The following LNP1 variants were observed in gnomAD, a reference collection of about 807,000 sequenced individuals.
The protein encoded by LNP1 is leukemia NUP98 fusion partner 1.
LNP1 carries 12 observed loss-of-function variants against 14.5 expected under a neutral mutation model. The observed-to-expected ratio is 0.83, with a 90% CI of 0.53 to 1.34. The LOEUF (loss-of-function observed/expected upper bound fraction) is 1.34. LNP1 is among the 40% of genes most tolerant of loss of function. The probability of loss-of-function intolerance (pLI) is 0.00; values close to 1 mark genes in which losing one functional copy is unlikely to be tolerated. For missense variants in LNP1, 198 were observed against 210.9 expected (o/e 0.94, Z 0.38); for synonymous variants, 75 against 71.4 (o/e 1.05, Z -0.26).
Position 100,417,371 on chromosome 3 carries a change from C to CTTTTTTTTTTTTTTTTTTTTTTT in LNP1, c.-33-12304_-33-12303insTTTTTTTTTTTTTTTTTTTTTTT, listed in dbSNP as rs562000656. On this transcript the variant is annotated intron_variant, in intron 1 of 3. Coordinates refer to ENST00000383693, the MANE Select transcript of LNP1 (RefSeq NM_001085451.2). ...CTTTTTCTTTCTTTCTTTCTTTTTT[C>CTTTTTTTTTTTTTTTTTTTTTTT]TTTTTTTTTTTTTTTTTTTTTTCGA... Among the ~76,000 whole-genome samples, 8 of 64,626 alleles carry CTTTTTTTTTTTTTTTTTTTTTTT rather than the reference C, an allele frequency of 1.2e-4. 1 individual carries two copies. The highest frequency in any genetic ancestry group is 5.1e-4 in the Admixed American group (2 of 3,946). The allele number at this position is 64,626 out of a possible 152,430, so 42.4% of individuals were successfully genotyped here.
Position 100,428,029 on chromosome 3 carries a change from T to C in LNP1, c.-33-1668T>C, listed in dbSNP as rs144401244. ...AGGGCAAATGGCCAAGAATTCCTGA[T>C]TGAAAATGCGAGACTTCTCCAAGTT... On this transcript the variant is annotated intron_variant, in intron 1 of 3. Transcript: ENST00000383693. Among the ~76,000 whole-genome samples the C allele has an allele frequency of 1.2e-3, 176 of 152,322 alleles. 1 individual carries two copies. Among genetic ancestry groups the C allele is most frequent in the African/African-American group, 4.0e-3 (168 of 41,564 alleles).
At chr3:100,407,253 G>A (rs971368533) in intron 1 of LNP1, among the ~76,000 whole-genome samples, 3 of 152,136 alleles carry the variant, frequency 2.0e-5, no homozygotes, top group Admixed American at 1.3e-4. Context: ...ACACCCTTTA[G>A]CATTTCTTGT....
chr3:100,404,791 C>CTT (rs5851207), intron 1 of LNP1, among the ~76,000 whole-genome samples: 6,920 of 131,226 alleles, frequency 0.053, 401 homozygotes, highest in East Asian at 0.3. Flanking sequence ...TTGTGTTATC[C>CTT]TTTTTTTTTT....
chr3:100,402,833 GTC>G (rs1706925671), intron 1 of LNP1, among the ~76,000 whole-genome samples: 2 of 152,086 alleles, frequency 1.3e-5, no homozygotes, highest in South Asian at 4.1e-4. Flanking sequence ...ACTGTGAAAA[GTC>G]TTCCTTCAGT....
chr3:100,451,661 C>G lies in LNP1; in HGVS notation c.157-58C>G, dbSNP rs756450633. Reference sequence around the variant, plus strand: ...TTACTAGTTTATAAACATTCTGCCTCTGTGCTAACATTGCACAGTCCTTTT... The same window carrying G: ...TTACTAGTTTATAAACATTCTGCCTGTGTGCTAACATTGCACAGTCCTTTT... On this transcript the variant is annotated intron_variant, in intron 2 of 3. Coordinates refer to ENST00000383693, the MANE Select transcript of LNP1 (RefSeq NM_001085451.2). The G allele has an allele frequency of 1.1e-5, 6 of 541,934 alleles. No individual in the cohort carries two copies. In the Admixed American group the frequency reaches 2.0e-4, roughly 18 times the overall value. 33.6% of individuals were successfully genotyped at this position (541,934 alleles called of 1,614,324 possible). A position where few individuals can be genotyped will look rare whatever the true frequency, so the allele number is the denominator to read the frequency against.
intron 1 of LNP1, among the ~76,000 whole-genome samples, chr3:100,418,876 G>T (rs74797758): frequency 0.015 from 2,232 of 152,214 alleles, 50 homozygotes; most frequent in African/African-American, 0.051. Context: ...CTCAGTATTG[G>T]AGAGAACAAA....
Position 100,451,911 on chromosome 3 carries a change from C to A in LNP1, c.349C>A (p.Arg117=). Residue 117 remains arginine (R), a synonymous_variant, in exon 3 of 4, where the codon CGG becomes AGG. Transcript: ENST00000383693. The stretch of plus-strand genomic sequence containing the variant: ...TGAGAAATTTTCAGAGTCCTTTGAA[C>A]GGCAACTGTGCTTTAGAACCAAGCG... The part of the protein sequence containing the change: ...KIEKFSESFE[R]QLCFRTKRSA... 2.5e-6 allele frequency: 4 copies of A among 1,613,810 alleles called. No individual in the cohort carries two copies. Among genetic ancestry groups the A allele is most frequent in the Non-Finnish European group, 3.4e-6 (4 of 1,179,906 alleles).
chr3:100,431,959 C>G (rs1243567635), intron 2 of LNP1, among the ~76,000 whole-genome samples: 1 of 134,140 alleles, frequency 7.5e-6, no homozygotes, highest in Non-Finnish European at 1.6e-5. Flanking sequence ...CATGCCACTG[C>G]TTTCCAACCT....
intron 2 of LNP1, among the ~76,000 whole-genome samples, chr3:100,435,765 A>C (rs1280606514): frequency 6.6e-6 from 1 of 152,190 alleles, no homozygotes; most frequent in Non-Finnish European, 1.5e-5. Flanking sequence ...GTTCTGACAC[A>C]GTTCTGTGGA....
intron 2 of LNP1, among the ~76,000 whole-genome samples, chr3:100,434,506 G>A (rs1407789568): frequency 1.3e-5 from 2 of 151,626 alleles, no homozygotes; most frequent in Non-Finnish European, 2.9e-5. Context: ...GTCAGGTAGT[G>A]TGATGCCTCC....
intron 3 of LNP1, among the ~76,000 whole-genome samples, chr3:100,455,355 A>G (rs1201285618): frequency 1.3e-5 from 2 of 152,342 alleles, no homozygotes; most frequent in East Asian, 1.9e-4. Flanking sequence ...CAGTCCTCAC[A>G]TTAAAATTTA....
At chr3:100,445,855 A>G (rs568265510) in intron 2 of LNP1, among the ~76,000 whole-genome samples, 5 of 152,116 alleles carry the variant, frequency 3.3e-5, no homozygotes, top group East Asian at 1.9e-4. Context: ...CACAATTGCT[A>G]TAAAGAGAAT....
intron 1 of LNP1, among the ~76,000 whole-genome samples, chr3:100,419,344 A>G (rs1408882555): frequency 1.3e-5 from 2 of 152,186 alleles, no homozygotes; most frequent in Admixed American, 6.5e-5. Context: ...GAAGTTGCAA[A>G]TAAGTGTACA....
chr3:100,403,172 C>T (rs1455972335), intron 1 of LNP1, among the ~76,000 whole-genome samples: 1 of 152,136 alleles, frequency 6.6e-6, no homozygotes, highest in Non-Finnish European at 1.5e-5. Context: ...AAACATCTAC[C>T]TCTCAGGCTA....
chr3:100,441,631 A>AATAT (rs59950841), intron 2 of LNP1, among the ~76,000 whole-genome samples: 28 of 148,236 alleles, frequency 1.9e-4, no homozygotes, highest in South Asian at 4.2e-4. Flanking sequence ...ATTAGCTTTA[A>AATAT]ATATATATAT....
chr3:100,405,940 A>G (rs1468306748), intron 1 of LNP1, among the ~76,000 whole-genome samples: 1 of 152,118 alleles, frequency 6.6e-6, no homozygotes, highest in Non-Finnish European at 1.5e-5. Context: ...CTCCCTTCAT[A>G]CACCTCTTCT....
chr3:100,441,505 T>A (rs1190229379), intron 2 of LNP1, among the ~76,000 whole-genome samples: 4 of 152,186 alleles, frequency 2.6e-5, no homozygotes, highest in Non-Finnish European at 5.9e-5. Flanking sequence ...TTTATTTGTG[T>A]GAGATGTACT....
At chr3:100,445,959 C>T (rs866750342) in intron 2 of LNP1, among the ~76,000 whole-genome samples, 6 of 152,132 alleles carry the variant, frequency 3.9e-5, no homozygotes, top group Non-Finnish European at 7.4e-5. Flanking sequence ...AGGACACAAA[C>T]AAATGGAAGA....
At chr3:100,403,807 C>T (rs1336079447) in intron 1 of LNP1, among the ~76,000 whole-genome samples, 1 of 152,174 alleles carries the variant, frequency 6.6e-6, no homozygotes. Flanking sequence ...ACTCTGCTTT[C>T]TTTATAATGT....
Sources: gnomAD v4.1 joint callset for allele counts (sites outside exome capture counted in the v4.1 genomes callset) on GRCh38, gnomAD v4.1.1 for gene constraint, MANE v1.5 for transcripts, NCBI Gene and HGNC (gene_info 2026-07-23, HGNC 2026-07-21) for gene names.